Variants in PSMD14 observed in about 807,000 individuals in gnomAD.
The protein encoded by PSMD14 is ubiquitin C-terminal hydrolase PSMD14.
A neutral mutation model predicts 41.2 loss-of-function variants in PSMD14; 7 were observed. The ratio of observed to expected loss-of-function variants is 0.17; its 90% confidence interval spans 0.10 to 0.32. PSMD14 has a LOEUF of 0.32. Ranked by LOEUF, PSMD14 falls within the 10% of genes least tolerant of loss-of-function variation. The probability of loss-of-function intolerance (pLI) is 1.00; values close to 1 mark genes in which losing one functional copy is unlikely to be tolerated. For missense variants in PSMD14, 139 were observed against 375.6 expected (o/e 0.37, Z 5.21); for synonymous variants, 114 against 122.3 (o/e 0.93, Z 0.45).
chr2:161,389,883 T>TTTGTTGTTG (rs1158919504), intron 8 of PSMD14, among the ~76,000 whole-genome samples: 3 of 50,480 alleles, frequency 5.9e-5, no homozygotes, highest in African/African-American at 1.4e-4. Context: ...TTCTTTCTTT[T>TTTGTTGTTG]TTGTTGTTTT....
intron 3 of PSMD14, 98 bp downstream of exon 3, chr2:161,318,971 A>G: frequency 2.3e-6 from 2 of 877,624 alleles, no homozygotes; most frequent in Non-Finnish European, 1.8e-6. Context: ...AAAATCACCT[A>G]ACAGATAACT....
At chr2:161,344,941 T>C (rs866992180) in intron 3 of PSMD14, among the ~76,000 whole-genome samples, 2 of 152,220 alleles carry the variant, frequency 1.3e-5, no homozygotes, top group African/African-American at 4.8e-5. Flanking sequence ...GCTTTTGATA[T>C]CATGCTAAGA....
Position 161,391,196 on chromosome 2 carries a change from TC to T in PSMD14, c.645+19del. ...AACAGAAGGTAAGTTTAAATTTTTA[TC>T]TTATAGGAGGAAAAAAATCTTTTTC... On this transcript the variant is annotated intron_variant, in intron 9 of 11. Coordinates refer to ENST00000409682, the MANE Select transcript of PSMD14 (RefSeq NM_005805.6). 2 of 1,494,466 alleles carry T rather than the reference TC, an allele frequency of 1.3e-6. No homozygotes were observed. Among genetic ancestry groups the T allele is most frequent in the South Asian group, 2.7e-5 (2 of 73,832 alleles). 92.6% of individuals were successfully genotyped at this position (1,494,466 alleles called of 1,614,324 possible). A position where few individuals can be genotyped will look rare whatever the true frequency, so the allele number is the denominator to read the frequency against.
chr2:161,329,977 T>A (rs1682761545), intron 3 of PSMD14, among the ~76,000 whole-genome samples: 1 of 152,210 alleles, frequency 6.6e-6, no homozygotes, highest in African/African-American at 2.4e-5. Flanking sequence ...TTTCCATAGG[T>A]ACATGATAGT....
Position 161,318,880 on chromosome 2 carries a change from A to G in PSMD14, c.48+7A>G, listed in dbSNP as rs765457974. 26 of 1,609,682 alleles carry G rather than the reference A, an allele frequency of 1.6e-5. No individual in the cohort carries two copies. The highest frequency in any genetic ancestry group is 2.1e-5 in the Non-Finnish European group (25 of 1,176,616). On this transcript the variant is annotated splice_region_variant and intron_variant, in intron 3 of 11. Coordinates refer to ENST00000409682, the MANE Select transcript of PSMD14 (RefSeq NM_005805.6). ...TATGCCTGGACTGGGCCAGGTTAGTATATAGTCTCTTGAGCATTTCCTTGT... is the reference window on the plus strand; with the variant it reads ...TATGCCTGGACTGGGCCAGGTTAGTGTATAGTCTCTTGAGCATTTCCTTGT...
In PSMD14 at chr2:161,313,350, ATTAAT is replaced by A. The variant is rs1196389836; in HGVS notation, c.-137-3083_-137-3079del. 6.6e-5 allele frequency among the ~76,000 whole-genome samples: 10 copies of A among 152,214 alleles called. No individual in the cohort carries two copies. The South Asian group carries it at 1.0e-3, about 16-fold the overall frequency. ...TACAAATTTTTATTTTAATTAATTA[ATTAAT>A]TTATTTATTTTTGAGATGGAGTCTT... On this transcript the variant is annotated intron_variant, in intron 1 of 11. Transcript: ENST00000409682.
At chr2:161,391,441 C>T (rs751627557) in intron 9 of PSMD14, among the ~76,000 whole-genome samples, 1 of 152,036 alleles carries the variant, frequency 6.6e-6, no homozygotes, top group Non-Finnish European at 1.5e-5. Flanking sequence ...TATGATAAGT[C>T]ATAAAAATAT....
intron 3 of PSMD14, among the ~76,000 whole-genome samples, chr2:161,343,961 C>G (rs1296842583): frequency 1.3e-5 from 2 of 152,232 alleles, no homozygotes; most frequent in East Asian, 3.9e-4. Context: ...TACACTTTTT[C>G]TTGTCATTAT....
At chr2:161,370,255 T>G in intron 6 of PSMD14, 78 bp downstream of exon 6, 5 of 1,112,550 alleles carry the variant, frequency 4.5e-6, no homozygotes, top group Non-Finnish European at 6.3e-6. Flanking sequence ...TAGATGTTTA[T>G]CAATGTCATT....
Position 161,324,642 on chromosome 2 carries a change from T to C in PSMD14, c.48+5769T>C, listed in dbSNP as rs1682667491. Reference sequence around the variant, plus strand: ...AAGATTTTCTTTCTTTCTTTTTTTTTTTTTTGAAGTATGAAGATTTTTTTT... The same window carrying C: ...AAGATTTTCTTTCTTTCTTTTTTTTCTTTTTGAAGTATGAAGATTTTTTTT... On this transcript the variant is annotated intron_variant, in intron 3 of 11. Coordinates refer to ENST00000409682, the MANE Select transcript of PSMD14 (RefSeq NM_005805.6). Among the ~76,000 whole-genome samples the C allele has an allele frequency of 2.0e-5, 3 of 151,992 alleles. 1 individual carries two copies. The East Asian group carries it at 5.8e-4, about 29-fold the overall frequency.
intron 7 of PSMD14, among the ~76,000 whole-genome samples, chr2:161,372,740 C>T (rs1032576396): frequency 1.3e-5 from 2 of 151,730 alleles, no homozygotes; most frequent in African/African-American, 4.8e-5. Context: ...AAGTTTAATT[C>T]TCTATTTTAA....
intron 3 of PSMD14, chr2:161,341,343 A>T: frequency 2.0e-6 from 2 of 1,007,992 alleles, no homozygotes; most frequent in Non-Finnish European, 2.4e-6. Context: ...GCGGCCGCCG[A>T]GTGCCGGCCA....
intron 3 of PSMD14, among the ~76,000 whole-genome samples, chr2:161,322,625 A>G (rs757051432): frequency 2.6e-5 from 4 of 152,022 alleles, no homozygotes; most frequent in Admixed American, 2.0e-4. Context: ...CCTGACCTCA[A>G]GTGATCTGCC....
chr2:161,313,981 C>T (rs936212430), intron 1 of PSMD14, among the ~76,000 whole-genome samples: 3 of 152,158 alleles, frequency 2.0e-5, no homozygotes, highest in African/African-American at 7.2e-5. Context: ...CACCACCATC[C>T]ATATCCAGAA....
At chr2:161,333,392 G>T (rs1409663008) in intron 3 of PSMD14, among the ~76,000 whole-genome samples, 1 of 152,236 alleles carries the variant, frequency 6.6e-6, no homozygotes, top group Non-Finnish European at 1.5e-5. Flanking sequence ...ACCAGTCTGT[G>T]TGGGGTCAAA....
chr2:161,382,806 A>G (rs1156888497), intron 7 of PSMD14: 2 of 151,782 alleles, frequency 1.3e-5, no homozygotes, highest in African/African-American at 4.8e-5. Context: ...TTTAATGTCT[A>G]TATACTTCAA....
Position 161,341,342 on chromosome 2 carries a change from G to A in PSMD14, c.48+22469G>A, listed in dbSNP as rs930250441. The A allele has an allele frequency of 3.3e-4, 337 of 1,009,386 alleles. 3 individuals carry two copies. In the African/African-American group the frequency reaches 5.2e-3, roughly 16 times the overall value. 62.5% of individuals were successfully genotyped at this position (1,009,386 alleles called of 1,614,324 possible). The stretch of plus-strand genomic sequence containing the variant: ...GCGCCTCCATCGCGCCGCGGCCGCC[G>A]AGTGCCGGCCAGCTGCGACCCCGAG... On this transcript the variant is annotated intron_variant, in intron 3 of 11. Coordinates refer to ENST00000409682, the MANE Select transcript of PSMD14 (RefSeq NM_005805.6).
intron 1 of PSMD14, among the ~76,000 whole-genome samples, chr2:161,311,772 G>A (rs940182162): frequency 2.0e-5 from 3 of 151,200 alleles, no homozygotes; most frequent in Non-Finnish European, 4.4e-5. Context: ...CTGCCATCAC[G>A]CCCGGCTAGT....
At chr2:161,362,928 C>G (rs528636944) in intron 3 of PSMD14, among the ~76,000 whole-genome samples, 1 of 152,090 alleles carries the variant, frequency 6.6e-6, no homozygotes, top group African/African-American at 2.4e-5. Context: ...TTTATTGTTT[C>G]TGTTTATTTT....
Sources: allele counts gnomAD v4.1 joint callset (sites outside exome capture counted in the v4.1 genomes callset), GRCh38; gene constraint gnomAD v4.1.1; transcripts MANE v1.5; gene names NCBI Gene and HGNC (gene_info 2026-07-23, HGNC 2026-07-21).